Variants in ZSWIM6 observed in about 807,000 individuals in gnomAD.
The protein encoded by ZSWIM6 is zinc finger SWIM-type containing 6.
In ZSWIM6, 9 loss-of-function variants were observed where a neutral mutation model predicts 113.2. The observed-to-expected ratio is 0.08, with a 90% confidence interval of 0.05 to 0.14. The LOEUF (loss-of-function observed/expected upper bound fraction) is 0.14, where lower values mean the gene tolerates loss of function less well. Among genes scored for constraint, ZSWIM6 ranks in the 10% least tolerant of loss-of-function variants. The probability of loss-of-function intolerance (pLI) is 1.00; values close to 1 mark genes in which losing one functional copy is unlikely to be tolerated. For synonymous variants in ZSWIM6, 611 were observed against 606.5 expected (o/e 1.01, Z -0.11); for missense variants, 1,162 against 1,552.2 (o/e 0.75, Z 4.22).
chr5:61,485,148 T>C (rs1580026474), intron 2 of ZSWIM6, among the ~76,000 whole-genome samples: 1 of 152,128 alleles, frequency 6.6e-6, no homozygotes. Flanking sequence ...GAAGCAATGG[T>C]GAGCAGGGCA....
intron 4 of ZSWIM6, among the ~76,000 whole-genome samples, chr5:61,505,387 G>A (rs1029070999): frequency 1.3e-5 from 2 of 151,586 alleles, no homozygotes; most frequent in East Asian, 3.9e-4. Context: ...AAAGGAGGAG[G>A]GTTAGTGAGA....
intron 1 of ZSWIM6, among the ~76,000 whole-genome samples, chr5:61,428,861 A>AT (rs1222665616): frequency 7.4e-5 from 11 of 149,320 alleles, no homozygotes; most frequent in African/African-American, 2.7e-4. Context: ...TACATGTTTG[A>AT]TTTCTGGGTA....
At chr5:61,357,624 T>C (rs1348955624) in intron 1 of ZSWIM6, among the ~76,000 whole-genome samples, 1 of 151,704 alleles carries the variant, frequency 6.6e-6, no homozygotes, top group African/African-American at 2.4e-5. Flanking sequence ...ACTTGAGATA[T>C]AGAGCTCTCA....
intron 1 of ZSWIM6, among the ~76,000 whole-genome samples, chr5:61,462,664 C>T (rs1747344972): frequency 6.6e-6 from 1 of 152,198 alleles, no homozygotes; most frequent in East Asian, 1.9e-4. Flanking sequence ...GTGTTGAAAA[C>T]GCCAAGCTTC....
At chr5:61,505,601 A>ACCTCCCTT (rs1748580469) in intron 4 of ZSWIM6, among the ~76,000 whole-genome samples, 2 of 77,794 alleles carry the variant, frequency 2.6e-5, no homozygotes, top group Non-Finnish European at 5.3e-5. Context: ...TCTATGATTT[A>ACCTCCCTT]CCTTCCTTCC....
At chr5:61,339,872 C>G (rs1744499302) in intron 1 of ZSWIM6, among the ~76,000 whole-genome samples, 2 of 152,292 alleles carry the variant, frequency 1.3e-5, no homozygotes, top group South Asian at 4.1e-4. Context: ...TTGGGGATTA[C>G]TTTAAATTCA....
At chr5:61,480,034 G>A (rs1747813607) in intron 2 of ZSWIM6, among the ~76,000 whole-genome samples, 1 of 151,976 alleles carries the variant, frequency 6.6e-6, no homozygotes, top group Non-Finnish European at 1.5e-5. Flanking sequence ...AAGACTTCCT[G>A]AGAACTTTGC....
intron 1 of ZSWIM6, among the ~76,000 whole-genome samples, chr5:61,355,243 T>C (rs1387097021): frequency 1.3e-5 from 2 of 152,110 alleles, no homozygotes; most frequent in Non-Finnish European, 2.9e-5. Flanking sequence ...GCCCAGGAGA[T>C]GAGAATTCCT....
chr5:61,478,408 T>C (rs1011875418), intron 2 of ZSWIM6, among the ~76,000 whole-genome samples: 12 of 152,328 alleles, frequency 7.9e-5, no homozygotes, highest in African/African-American at 2.9e-4. Flanking sequence ...GCGTGGTTCA[T>C]ATTCTGAGAC....
At chr5:61,333,744 G>A (rs1274954069) in intron 1 of ZSWIM6, among the ~76,000 whole-genome samples, 1 of 152,174 alleles carries the variant, frequency 6.6e-6, no homozygotes, top group African/African-American at 2.4e-5. Flanking sequence ...AGCTGCTAGC[G>A]CTTCCCTTTT....
At chr5:61,442,912 C>G (rs1029848196) in intron 1 of ZSWIM6, among the ~76,000 whole-genome samples, 1 of 152,186 alleles carries the variant, frequency 6.6e-6, no homozygotes, top group Non-Finnish European at 1.5e-5. Flanking sequence ...GTTCTCCAGA[C>G]TGAACAATCA....
chr5:61,428,537 CA>C (rs1746510322), intron 1 of ZSWIM6, among the ~76,000 whole-genome samples: 1 of 103,352 alleles, frequency 9.7e-6, no homozygotes. Flanking sequence ...TAACTTAAAA[CA>C]ATTTTTTTTT....
intron 1 of ZSWIM6, among the ~76,000 whole-genome samples, chr5:61,412,919 A>G (rs1579983121): frequency 6.6e-6 from 1 of 152,220 alleles, no homozygotes; most frequent in Non-Finnish European, 1.5e-5. Flanking sequence ...GTTGCTGGGT[A>G]CATATTGCTG....
intron 1 of ZSWIM6, among the ~76,000 whole-genome samples, chr5:61,386,030 T>C (rs1745586364): frequency 6.6e-6 from 1 of 152,242 alleles, no homozygotes; most frequent in Non-Finnish European, 1.5e-5. Context: ...AATTGGACTA[T>C]GCTAAAGATG....
chr5:61,430,181 GGAA>G (rs922423498), intron 1 of ZSWIM6, among the ~76,000 whole-genome samples: 3 of 152,114 alleles, frequency 2.0e-5, no homozygotes, highest in African/African-American at 7.2e-5. Context: ...GGGTTAAGCA[GGAA>G]GAAGAAAGGT....
At chr5:61,441,466 C>A (rs1746832498) in intron 1 of ZSWIM6, among the ~76,000 whole-genome samples, 1 of 152,004 alleles carries the variant, frequency 6.6e-6, no homozygotes, top group Admixed American at 6.6e-5. Context: ...CAATCCTCCC[C>A]CTATATATTA....
intron 4 of ZSWIM6, among the ~76,000 whole-genome samples, chr5:61,516,714 TC>T (rs1460534183): frequency 6.6e-6 from 1 of 151,830 alleles, no homozygotes; most frequent in Non-Finnish European, 1.5e-5. Flanking sequence ...TCAAAAATAA[TC>T]TATTTACTGA....
At chr5:61,527,362 T>C (rs1198239077) in intron 7 of ZSWIM6, among the ~76,000 whole-genome samples, 2 of 152,190 alleles carry the variant, frequency 1.3e-5, no homozygotes, top group African/African-American at 4.8e-5. Flanking sequence ...TTTGGTTATA[T>C]TTTTGTTTTT....
At chr5:61,368,188 T>A (rs191910354) in intron 1 of ZSWIM6, among the ~76,000 whole-genome samples, 6 of 152,178 alleles carry the variant, frequency 3.9e-5, no homozygotes, top group African/African-American at 1.4e-4. Context: ...AGATTTCATG[T>A]TTAAATAGCC....
Sources: gnomAD v4.1 joint callset for allele counts (sites outside exome capture counted in the v4.1 genomes callset) on GRCh38, gnomAD v4.1.1 for gene constraint, MANE v1.5 for transcripts, NCBI Gene and HGNC (gene_info 2026-07-23, HGNC 2026-07-21) for gene names.